The following NEK6 variants were observed in gnomAD, a reference collection of about 807,000 sequenced individuals.
The protein encoded by NEK6 is serine/threonine-protein kinase Nek6.
NEK6 carries 27 observed loss-of-function variants against 43.5 expected under a neutral mutation model. The ratio of observed to expected loss-of-function variants is 0.62; its 90% CI spans 0.46 to 0.86. The LOEUF is 0.86. NEK6 is among the 40% of genes least tolerant of loss of function. NEK6 has a pLI of 0.00. For synonymous variants in NEK6, 167 were observed against 164.1 expected, an observed-to-expected ratio of 1.02 and a Z score of -0.14; for missense variants, 318 against 414.4, an observed-to-expected ratio of 0.77 and a Z score of 2.02.
At chr9:124,271,442 A>G (rs1831434071) in intron 1 of NEK6, among the ~76,000 whole-genome samples, 1 of 152,246 alleles carries the variant, frequency 6.6e-6, no homozygotes, top group Non-Finnish European at 1.5e-5. Flanking sequence ...AAGGAGGCTC[A>G]GGTGAGGGGT....
intron 8 of NEK6, among the ~76,000 whole-genome samples, chr9:124,346,409 T>C (rs1400694099): frequency 6.6e-6 from 1 of 152,132 alleles, no homozygotes; most frequent in Admixed American, 6.5e-5. Context: ...CCGCTCAGCC[T>C]CTGGGGCGCG....
chr9:124,271,882 C>G (rs1831452024), intron 1 of NEK6, among the ~76,000 whole-genome samples: 1 of 152,262 alleles, frequency 6.6e-6, no homozygotes, highest in Admixed American at 6.5e-5. Context: ...GCCTGGCCAG[C>G]TCTGTGGCTG....
chr9:124,289,953 C>A (rs796926239), intron 1 of NEK6, among the ~76,000 whole-genome samples: 2 of 152,216 alleles, frequency 1.3e-5, no homozygotes, highest in Admixed American at 6.5e-5. Flanking sequence ...ACAAGCCACT[C>A]CTGCGGAGCT....
intron 2 of NEK6, 51 bp downstream of exon 2, chr9:124,302,105 C>T (rs1226401135): frequency 2.2e-6 from 3 of 1,359,000 alleles, no homozygotes; most frequent in African/African-American, 1.5e-5. Flanking sequence ...CCAAGGAATA[C>T]GGATCCCTGA....
At chr9:124,321,626 G>T in intron 5 of NEK6, 57 bp downstream of exon 5, 2 of 1,163,904 alleles carry the variant, frequency 1.7e-6, no homozygotes, top group Non-Finnish European at 2.6e-6. Context: ...AGCCAAAGGT[G>T]GCAGTCTTCC....
intron 5 of NEK6, among the ~76,000 whole-genome samples, chr9:124,323,241 G>A (rs1172220046): frequency 1.3e-5 from 2 of 152,222 alleles, no homozygotes; most frequent in African/African-American, 4.8e-5. Flanking sequence ...CTTCCTGGAG[G>A]AGGTGACACT....
At chr9:124,258,209 G>T (rs1488172586) in intron 1 of NEK6, 124 bp downstream of exon 1, 11 of 977,010 alleles carry the variant, frequency 1.1e-5, no homozygotes, top group East Asian at 1.2e-4. Context: ...CGGCTCCGCG[G>T]GGGAGAGCGG....
chr9:124,281,975 C>T (rs1007171403), intron 1 of NEK6, among the ~76,000 whole-genome samples: 10 of 152,172 alleles, frequency 6.6e-5, no homozygotes, highest in Non-Finnish European at 1.5e-4. Context: ...AAGTGGAGCC[C>T]GGGGCAGACT....
At position 124,352,352 on chromosome 9, in the gene NEK6, T is replaced by C. The variant is rs1830317674; in HGVS notation, c.*1405T>C. The C allele has an allele frequency of 6.6e-6, 1 of 152,256 alleles. No homozygotes were observed. The highest frequency in any genetic ancestry group is 6.5e-5 in the Admixed American group (1 of 15,288). 9.4% of individuals were successfully genotyped at this position (152,256 alleles called of 1,614,324 possible). On this transcript the variant is annotated 3_prime_UTR_variant, in exon 10 of 10. Coordinates refer to ENST00000320246, the MANE Select transcript of NEK6 (RefSeq NM_014397.6). ...GTGACACCGTCAGCCCGACAGTCTC[T>C]CCATATGCAGCCTTTCCTCTGTACT...
At chr9:124,322,000 ACC>A (rs1276203941) in intron 5 of NEK6, among the ~76,000 whole-genome samples, 3 of 152,130 alleles carry the variant, frequency 2.0e-5, no homozygotes, top group Admixed American at 2.0e-4. Context: ...GTTTGGTCAG[ACC>A]CCAGCTCTTG....
At chr9:124,272,049 T>A (rs575989358) in intron 1 of NEK6, among the ~76,000 whole-genome samples, 77 of 152,346 alleles carry the variant, frequency 5.1e-4, no homozygotes, top group African/African-American at 1.8e-3. Flanking sequence ...GCAGATCCTG[T>A]CTCTGGGGCA....
At chr9:124,337,798 G>C (rs947333401) in intron 7 of NEK6, among the ~76,000 whole-genome samples, 1 of 152,206 alleles carries the variant, frequency 6.6e-6, no homozygotes, top group South Asian at 2.1e-4. Flanking sequence ...GCAGTGTTTG[G>C]CCATGGTAGA....
At chr9:124,289,667 G>C (rs996717255) in intron 1 of NEK6, among the ~76,000 whole-genome samples, 4 of 152,188 alleles carry the variant, frequency 2.6e-5, no homozygotes, top group Admixed American at 2.6e-4. Flanking sequence ...AAAAGATCTG[G>C]TTTTCTAGTG....
At chr9:124,338,818 G>T (rs557328935) in intron 7 of NEK6, among the ~76,000 whole-genome samples, 1 of 152,286 alleles carries the variant, frequency 6.6e-6, no homozygotes, top group African/African-American at 2.4e-5. Context: ...ACAGAAATGA[G>T]CTGACACATG....
chr9:124,302,327 C>T (rs1833023820), intron 2 of NEK6, among the ~76,000 whole-genome samples: 1 of 152,178 alleles, frequency 6.6e-6, no homozygotes, highest in South Asian at 2.1e-4. Flanking sequence ...GATGGAACAG[C>T]TTTATCTCAG....
chr9:124,299,916 CT>C (rs575132609), intron 1 of NEK6: 10 of 152,258 alleles, frequency 6.6e-5, no homozygotes, highest in African/African-American at 2.2e-4. Context: ...GAGGGCCCCC[CT>C]GACCCTGAGT....
chr9:124,297,043 C>T (rs1242853685), intron 1 of NEK6, among the ~76,000 whole-genome samples: 1 of 152,234 alleles, frequency 6.6e-6, no homozygotes, highest in Non-Finnish European at 1.5e-5. Flanking sequence ...GCTGGCTTTG[C>T]AGAGGCAGCC....
intron 1 of NEK6, among the ~76,000 whole-genome samples, chr9:124,265,256 G>A (rs1003638577): frequency 3.3e-5 from 5 of 152,234 alleles, no homozygotes; most frequent in African/African-American, 1.2e-4. Flanking sequence ...AGGCACGGTG[G>A]CTCACGCCTG....
intron 1 of NEK6, among the ~76,000 whole-genome samples, chr9:124,263,216 A>C (rs1055318066): frequency 6.6e-6 from 1 of 152,240 alleles, no homozygotes; most frequent in Non-Finnish European, 1.5e-5. Flanking sequence ...AGAGCTTCGC[A>C]CACACCCACT....
Sources: gnomAD v4.1 joint callset for allele counts (sites outside exome capture counted in the v4.1 genomes callset) on GRCh38, gnomAD v4.1.1 for gene constraint, MANE v1.5 for transcripts, NCBI Gene and HGNC (gene_info 2026-07-23, HGNC 2026-07-21) for gene names.